COG5: variants seen among roughly 807,000 people sequenced by gnomAD.
COG5 encodes component of oligomeric golgi complex 5, also known as conserved oligomeric Golgi complex subunit 5.
COG5 carries 86 observed loss-of-function variants against 110.4 expected under a neutral mutation model. That is an observed-to-expected ratio of 0.78 (90% CI 0.65 to 0.93). The LOEUF (loss-of-function observed/expected upper bound fraction) is 0.93. Ranked by LOEUF, COG5 falls within the 40% of genes least tolerant of loss-of-function variation. The probability of loss-of-function intolerance (pLI) is 0.00; values close to 1 mark genes in which losing one functional copy is unlikely to be tolerated. For synonymous variants in COG5, 360 were observed against 334.6 expected, an observed-to-expected ratio of 1.08 and a Z score of -0.83; for missense variants, 1,077 against 987.0, an observed-to-expected ratio of 1.09 and a Z score of -1.22.
At chr7:107,450,731 AG>A in intron 6 of COG5, among the ~76,000 whole-genome samples, 1 of 152,346 alleles carries the variant, frequency 6.6e-6, no homozygotes, top group East Asian at 1.9e-4. Context: ...CAAGATTTGA[AG>A]GAAAAAGATA....
Position 107,283,630 on chromosome 7 carries a change from C to G in COG5, c.1416G>C (p.Pro472=), listed in dbSNP as rs149574256. Reference sequence around the variant, plus strand: ...CAGAGGAAGGAGGATTACGACCACCCGGGGGAAAAACCAAGTTGATAGGAT... The same window carrying G: ...CAGAGGAAGGAGGATTACGACCACCGGGGGGAAAAACCAAGTTGATAGGAT... ...LFDPINLVFP[P]GGRNPPSSDE... The change falls in exon 13 of 22, where the codon CCG becomes CCC. Residue 472 remains proline (P), a synonymous_variant. Coordinates refer to ENST00000297135, the MANE Select transcript of COG5 (RefSeq NM_006348.5). 1.2e-6 allele frequency: 2 copies of G among 1,613,730 alleles called. No individual in the cohort carries two copies. Among genetic ancestry groups the G allele is most frequent in the Admixed American group, 1.7e-5 (1 of 59,980 alleles).
At chr7:107,431,016 A>C (rs924551176) in intron 6 of COG5, among the ~76,000 whole-genome samples, 8 of 152,180 alleles carry the variant, frequency 5.3e-5, no homozygotes, top group Admixed American at 3.3e-4. Flanking sequence ...AACAAACAAA[A>C]AAAACAAAAC....
intron 7 of COG5, among the ~76,000 whole-genome samples, chr7:107,411,082 A>C (rs1792256088): frequency 6.6e-6 from 1 of 152,208 alleles, no homozygotes; most frequent in Non-Finnish European, 1.5e-5. Context: ...TGGGAGACAC[A>C]AAAGGATTAG....
chr7:107,370,899 T>TCCA (rs1299571874), intron 8 of COG5, among the ~76,000 whole-genome samples: 3 of 151,794 alleles, frequency 2.0e-5, no homozygotes, highest in Admixed American at 1.3e-4. Context: ...AATCATGGTA[T>TCCA]CCACTTGTCA....
intron 19 of COG5, among the ~76,000 whole-genome samples, chr7:107,215,452 G>A (rs953758487): frequency 2.0e-5 from 3 of 152,100 alleles, no homozygotes; most frequent in African/African-American, 7.2e-5. Flanking sequence ...TGGATCACAA[G>A]GTCAGGAGAT....
At chr7:107,222,665 C>T (rs549638971) in intron 19 of COG5, among the ~76,000 whole-genome samples, 2 of 152,316 alleles carry the variant, frequency 1.3e-5, no homozygotes, top group South Asian at 4.1e-4. Flanking sequence ...CTTGAGCACT[C>T]CCTTCTCCCT....
At chr7:107,223,594 G>C (rs1800109958) in intron 19 of COG5, among the ~76,000 whole-genome samples, 1 of 152,230 alleles carries the variant, frequency 6.6e-6, no homozygotes, top group Non-Finnish European at 1.5e-5. Flanking sequence ...CATTTCAGCA[G>C]CAGGAGGTGG....
intron 7 of COG5, among the ~76,000 whole-genome samples, chr7:107,409,982 T>A (rs1364761106): frequency 6.6e-6 from 1 of 152,298 alleles, no homozygotes; most frequent in South Asian, 2.1e-4. Context: ...AATCATAAAT[T>A]TTAGTTACAA....
At chr7:107,386,429 C>T (rs6959079) in intron 7 of COG5, among the ~76,000 whole-genome samples, 8,418 of 152,074 alleles carry the variant, frequency 0.055, 312 homozygotes, top group Non-Finnish European at 0.083. Flanking sequence ...CAGACAGACC[C>T]CCGCAGCTGG....
intron 10 of COG5, 65 bp downstream of exon 10, chr7:107,361,968 G>T: frequency 9.2e-7 from 1 of 1,084,000 alleles, no homozygotes; most frequent in Non-Finnish European, 1.4e-6. Context: ...TAACACAAAT[G>T]ATGCTGACTC....
chr7:107,420,394 C>G (rs114834294), intron 6 of COG5, among the ~76,000 whole-genome samples: 2,409 of 152,308 alleles, frequency 0.016, 60 homozygotes, highest in African/African-American at 0.056. Context: ...GGAGAAGAAG[C>G]ACCCGGAAGA....
chr7:107,448,746 T>G (rs1273301147), intron 6 of COG5, among the ~76,000 whole-genome samples: 1 of 152,194 alleles, frequency 6.6e-6, no homozygotes, highest in African/African-American at 2.4e-5. Context: ...CAGGTCCACA[T>G]ATACACAGAT....
At chr7:107,560,906 C>G (rs543270823) in intron 1 of COG5, among the ~76,000 whole-genome samples, 219 of 150,160 alleles carry the variant, frequency 1.5e-3, no homozygotes, top group Middle Eastern at 3.4e-3. Context: ...AAACCACAGA[C>G]AAGACCAGAT....
intron 14 of COG5, among the ~76,000 whole-genome samples, chr7:107,260,075 G>GATATATATATATATATATAT (rs143875588): frequency 1.4e-3 from 190 of 131,514 alleles, no homozygotes; most frequent in African/African-American, 2.4e-3. Context: ...AACTCCTAGT[G>GATATATATATATATATATAT]ATATATATAT....
In COG5 at chr7:107,263,666, G is replaced by T. The variant is rs527999901; in HGVS notation, c.1576-5283C>A. ...ATTAAAATAATTCTTATGTGCAAATGACAAGATACACTATTTTTTAAAATT... is the reference window on the plus strand; with the variant it reads ...ATTAAAATAATTCTTATGTGCAAATTACAAGATACACTATTTTTTAAAATT... On this transcript the variant is annotated intron_variant, in intron 14 of 21. Coordinates refer to ENST00000297135, the MANE Select transcript of COG5 (RefSeq NM_006348.5). Among the ~76,000 whole-genome samples the T allele has an allele frequency of 1.1e-4, 16 of 152,196 alleles. No individual in the cohort carries two copies. In the Middle Eastern group the frequency reaches 0.01, roughly 97 times the overall value.
chr7:107,511,449 C>G lies in COG5; in HGVS notation c.538+15788G>C, dbSNP rs1331408222. ...GTCCAGGAGCAGATGGATTCACAGC[C>G]AAATTCTACCAGACGTACAAGGAGG... On this transcript the variant is annotated intron_variant, in intron 6 of 21. Coordinates refer to ENST00000297135, the MANE Select transcript of COG5 (RefSeq NM_006348.5). 2.6e-5 allele frequency among the ~76,000 whole-genome samples: 4 copies of G among 152,170 alleles called. No individual in the cohort carries two copies. The East Asian group carries it at 7.7e-4, about 29-fold the overall frequency.
At chr7:107,498,208 T>C (rs1798401656) in intron 6 of COG5, among the ~76,000 whole-genome samples, 2 of 152,162 alleles carry the variant, frequency 1.3e-5, no homozygotes, top group African/African-American at 4.8e-5. Flanking sequence ...AAAAACTCTG[T>C]ACCATTGGTC....
rs767634749 is a variant in COG5, at chr7:107,283,627, AC to A, written c.1418del (p.Gly473ValfsTer18). The A allele has an allele frequency of 6.2e-7, 1 of 1,613,908 alleles. No homozygotes were observed. The highest frequency in any genetic ancestry group is 8.5e-7 in the Non-Finnish European group (1 of 1,179,856). On this transcript the variant is annotated frameshift_variant, in exon 13 of 22. Coordinates refer to ENST00000297135, the MANE Select transcript of COG5 (RefSeq NM_006348.5). LOFTEE classifies it high-confidence loss of function. ...FDPINLVFPP[G>X]GRNPPSSDEL... The stretch of plus-strand genomic sequence containing the variant: ...CATCAGAGGAAGGAGGATTACGACC[AC>A]CCGGGGGAAAAACCAAGTTGATAGG...
At chr7:107,324,226 A>T (rs1809558461) in intron 11 of COG5, among the ~76,000 whole-genome samples, 1 of 152,184 alleles carries the variant, frequency 6.6e-6, no homozygotes, top group South Asian at 2.1e-4. Context: ...ATTTTATTCT[A>T]AATATTAATT....
Sources: allele counts gnomAD v4.1 joint callset (sites outside exome capture counted in the v4.1 genomes callset), GRCh38; gene constraint gnomAD v4.1.1; transcripts MANE v1.5; gene names NCBI Gene and HGNC (gene_info 2026-07-23, HGNC 2026-07-21).